The following DESI2 variants were observed in gnomAD, a reference collection of about 807,000 sequenced individuals.
DESI2 encodes the protein deubiquitinase DESI2.
DESI2 carries 10 observed loss-of-function variants against 24.1 expected under a neutral mutation model. That is an observed-to-expected ratio of 0.41 (90% CI 0.26 to 0.70). The LOEUF is 0.70. DESI2 is among the 30% of genes least tolerant of loss of function. The pLI is 0.29. For missense variants in DESI2, 122 were observed against 234.9 expected (o/e 0.52, Z 3.14); for synonymous variants, 71 against 87.7 (o/e 0.81, Z 1.06).
chr1:244,690,492 G>T (rs1676986511), intron 3 of DESI2, among the ~76,000 whole-genome samples: 1 of 152,112 alleles, frequency 6.6e-6, no homozygotes, highest in South Asian at 2.1e-4. Flanking sequence ...GATCACCTGA[G>T]GTCAGGAGTT....
intron 2 of DESI2, among the ~76,000 whole-genome samples, chr1:244,686,945 T>A (rs1676848088): frequency 1.3e-5 from 2 of 152,180 alleles, no homozygotes. Context: ...ATATTTTCCT[T>A]TTGTGATTGT....
chr1:244,703,358 T>C (rs963509709), intron 4 of DESI2, among the ~76,000 whole-genome samples: 3 of 152,004 alleles, frequency 2.0e-5, no homozygotes, highest in Admixed American at 2.0e-4. Flanking sequence ...CATTCTTTTT[T>C]GTTTGTTTTG....
chr1:244,682,192 C>T (rs1239968775), intron 1 of DESI2, among the ~76,000 whole-genome samples: 1 of 152,176 alleles, frequency 6.6e-6, no homozygotes, highest in Admixed American at 6.5e-5. Flanking sequence ...TGGCTGCTGG[C>T]TTGGGTGGCC....
At chr1:244,679,006 G>C (rs145265528) in intron 1 of DESI2, among the ~76,000 whole-genome samples, 10 of 152,196 alleles carry the variant, frequency 6.6e-5, no homozygotes, top group South Asian at 2.1e-4. Context: ...GTGAACTGGC[G>C]TGATACCTTG....
At chr1:244,691,153 A>G (rs2148809627) in intron 3 of DESI2, among the ~76,000 whole-genome samples, 1 of 152,242 alleles carries the variant, frequency 6.6e-6, no homozygotes, top group East Asian at 1.9e-4. Flanking sequence ...CAGTGGTACG[A>G]TCTCGGCTCA....
At position 244,677,557 on chromosome 1, in the gene DESI2, C is replaced by T. The variant is rs562091173; in HGVS notation, c.43-9040C>T. ...ATTATTGCTAACAATGAATAAGCAA[C>T]GTCAACATTAATTTTTGCCTTGCAC... On this transcript the variant is annotated intron_variant, in intron 1 of 4. Coordinates refer to ENST00000302550, the MANE Select transcript of DESI2 (RefSeq NM_016076.5). Among the ~76,000 whole-genome samples, 36 of 152,230 alleles carry T rather than the reference C, an allele frequency of 2.4e-4. 1 individual carries two copies. Among genetic ancestry groups the T allele is most frequent in the South Asian group, 1.7e-3 (8 of 4,820 alleles).
chr1:244,682,996 A>G (rs1676672342), intron 1 of DESI2, among the ~76,000 whole-genome samples: 2 of 152,216 alleles, frequency 1.3e-5, no homozygotes, highest in Non-Finnish European at 2.9e-5. Flanking sequence ...CAAACACAGC[A>G]TGGGCAAATG....
chr1:244,657,411 A>G (rs1675687073), intron 1 of DESI2, among the ~76,000 whole-genome samples: 1 of 152,170 alleles, frequency 6.6e-6, no homozygotes, highest in Non-Finnish European at 1.5e-5. Flanking sequence ...CTCTTGCCCC[A>G]TGCCACTGCC....
chr1:244,687,532 A>G lies in DESI2; in HGVS notation c.115+863A>G, dbSNP rs192652593. ...TCTTAAGAATATATTATTGCAGTTT[A>G]CTGAGGGTTACCCCTGAACACTATA... On this transcript the variant is annotated intron_variant, in intron 2 of 4. Coordinates refer to ENST00000302550, the MANE Select transcript of DESI2 (RefSeq NM_016076.5). Among the ~76,000 whole-genome samples, 294 of 152,370 alleles carry G rather than the reference A, an allele frequency of 1.9e-3. 1 individual carries two copies. The highest frequency in any genetic ancestry group is 0.01 in the Middle Eastern group (3 of 294).
intron 1 of DESI2, among the ~76,000 whole-genome samples, chr1:244,654,787 C>T (rs1353829639): frequency 6.6e-6 from 1 of 152,212 alleles, no homozygotes; most frequent in Non-Finnish European, 1.5e-5. Context: ...TTTACTTTCT[C>T]TGTGCACATC....
rs1573216396 is a variant in DESI2 at position 244,689,140 on chromosome 1, A to G, written c.116-109A>G. 1.5e-6 allele frequency: 1 copy of G among 650,678 alleles called. No homozygotes were observed. Among genetic ancestry groups the G allele is most frequent in the Non-Finnish European group, 2.8e-6 (1 of 362,662 alleles). The allele number at this position is 650,678 out of a possible 1,614,324, so 40.3% of individuals were successfully genotyped here. On this transcript the variant is annotated intron_variant, in intron 2 of 4. Coordinates refer to ENST00000302550, the MANE Select transcript of DESI2 (RefSeq NM_016076.5). The surrounding 1 kb of genome is among the most constrained non-coding windows in gnomAD (Gnocchi z 4.0). ...ATTTGTGAAAGCATTTTATAAACTGAAAAATATTTAGATGGTGTCACTGTT... is the reference window on the plus strand; with the variant it reads ...ATTTGTGAAAGCATTTTATAAACTGGAAAATATTTAGATGGTGTCACTGTT...
intron 1 of DESI2, among the ~76,000 whole-genome samples, chr1:244,678,989 T>G (rs1573202288): frequency 6.7e-6 from 1 of 150,150 alleles, no homozygotes; most frequent in Non-Finnish European, 1.5e-5. Context: ...CCTAACAAAA[T>G]TTTTATGTGA....
At chr1:244,690,306 G>A (rs1056546917) in intron 3 of DESI2, among the ~76,000 whole-genome samples, 8 of 152,194 alleles carry the variant, frequency 5.3e-5, no homozygotes, top group African/African-American at 1.9e-4. Context: ...ACCTATGAGT[G>A]AGAACATACG....
chr1:244,685,148 TAAA>T (rs968484747), intron 1 of DESI2, among the ~76,000 whole-genome samples: 7 of 152,196 alleles, frequency 4.6e-5, no homozygotes, highest in African/African-American at 1.2e-4. Context: ...TTTTATAAAA[TAAA>T]AAGTTGTACA....
intron 1 of DESI2, among the ~76,000 whole-genome samples, chr1:244,666,109 C>A (rs574647203): frequency 2.0e-5 from 3 of 152,274 alleles, no homozygotes; most frequent in South Asian, 4.1e-4. Context: ...CTCTCCGAGA[C>A]AACTACAATA....
chr1:244,667,764 G>A (rs1676096715), intron 1 of DESI2, among the ~76,000 whole-genome samples: 1 of 152,132 alleles, frequency 6.6e-6, no homozygotes, highest in Admixed American at 6.5e-5. Context: ...CTAGTGCAAT[G>A]GTTTAGGGCT....
intron 4 of DESI2, among the ~76,000 whole-genome samples, chr1:244,701,482 T>C (rs1677461230): frequency 6.6e-6 from 1 of 152,126 alleles, no homozygotes; most frequent in South Asian, 2.1e-4. Flanking sequence ...ATGCTTTGAC[T>C]GTCAAAATTC....
At chr1:244,663,540 C>CA (rs71729989) in intron 1 of DESI2, among the ~76,000 whole-genome samples, 152,251 of 152,252 alleles carry the variant, frequency 1, 76,125 homozygotes, top group Non-Finnish European at 1. Context: ...TACACGGGAA[C>CA]AAAATCAGGC....
intron 1 of DESI2, among the ~76,000 whole-genome samples, chr1:244,656,106 T>C (rs1350294704): frequency 6.6e-6 from 1 of 152,198 alleles, no homozygotes; most frequent in Non-Finnish European, 1.5e-5. Context: ...AGAGATGCTT[T>C]GGATGAGGGT....
Sources: allele counts gnomAD v4.1 joint callset (sites outside exome capture counted in the v4.1 genomes callset), GRCh38; gene constraint gnomAD v4.1.1; non-coding constraint Gnocchi (gnomAD v3.1); transcripts MANE v1.5; gene names NCBI Gene and HGNC (gene_info 2026-07-23, HGNC 2026-07-21).